GRIK3: variants seen among roughly 807,000 people sequenced by gnomAD.
GRIK3 encodes the protein glutamate ionotropic receptor kainate type subunit 3.
A neutral mutation model predicts 102.5 loss-of-function variants in GRIK3; 29 were observed. The observed-to-expected ratio is 0.28, with a 90% CI of 0.21 to 0.39. The LOEUF (loss-of-function observed/expected upper bound fraction) is 0.39, where lower values mean the gene tolerates loss of function less well. GRIK3 is among the 10% of genes least tolerant of loss of function. The probability of loss-of-function intolerance (pLI) is 1.00; values close to 1 mark genes in which losing one functional copy is unlikely to be tolerated. For missense variants in GRIK3, 908 were observed against 1,252.4 expected (o/e 0.73, Z 4.15); for synonymous variants, 511 against 504.9 (o/e 1.01, Z -0.16).
intron 1 of GRIK3, among the ~76,000 whole-genome samples, chr1:37,000,411 T>C (rs1642464590): frequency 6.6e-6 from 1 of 152,144 alleles, no homozygotes; most frequent in Admixed American, 6.5e-5. Context: ...ATGGGGTAAG[T>C]GCTATTAACC....
chr1:36,993,593 T>G (rs1642385112), intron 1 of GRIK3, among the ~76,000 whole-genome samples: 1 of 152,212 alleles, frequency 6.6e-6, no homozygotes. Context: ...ATATGCATCC[T>G]CACGGTGAAG....
intron 1 of GRIK3, among the ~76,000 whole-genome samples, chr1:36,914,225 T>A (rs1348937704): frequency 1.3e-5 from 2 of 152,110 alleles, no homozygotes; most frequent in African/African-American, 4.8e-5. Flanking sequence ...CTCCACTTAC[T>A]ATGCTGCCTG....
intron 1 of GRIK3, among the ~76,000 whole-genome samples, chr1:36,949,956 A>C (rs542329203): frequency 2.0e-5 from 3 of 152,252 alleles, no homozygotes; most frequent in Admixed American, 2.0e-4. Context: ...CAACCTTCCC[A>C]AAATCTCACA....
chr1:36,928,472 G>A (rs576813395), intron 1 of GRIK3, among the ~76,000 whole-genome samples: 51 of 152,334 alleles, frequency 3.3e-4, no homozygotes, highest in Admixed American at 6.5e-4. Flanking sequence ...GGGTGGGGGT[G>A]GAAATTATGA....
intron 1 of GRIK3, among the ~76,000 whole-genome samples, chr1:36,918,437 GACATT>G (rs1473833414): frequency 6.6e-6 from 1 of 152,180 alleles, no homozygotes; most frequent in African/African-American, 2.4e-5. Flanking sequence ...CTTTGCTCAT[GACATT>G]ACATTTATTA....
chr1:36,974,581 G>A (rs1642175402), intron 1 of GRIK3, among the ~76,000 whole-genome samples: 1 of 151,938 alleles, frequency 6.6e-6, no homozygotes, highest in African/African-American at 2.4e-5. Context: ...GGTGGATCAC[G>A]AGGTCAGGAG....
At chr1:37,010,262 T>A (rs949074740) in intron 1 of GRIK3, among the ~76,000 whole-genome samples, 2 of 152,228 alleles carry the variant, frequency 1.3e-5, no homozygotes, top group Non-Finnish European at 2.9e-5. Context: ...CTCCCAGAGT[T>A]GCCTGAGGCT....
At chr1:36,830,067 A>G (rs767748745) in intron 10 of GRIK3, among the ~76,000 whole-genome samples, 2 of 152,230 alleles carry the variant, frequency 1.3e-5, no homozygotes, top group Non-Finnish European at 2.9e-5. Context: ...AGTTCCCACC[A>G]GCTTCCTCAT....
In GRIK3 at chr1:36,821,722, G is replaced by A. The variant is rs1443075826; in HGVS notation, c.1755-1868C>T. Among the ~76,000 whole-genome samples, 4 of 152,232 alleles carry A rather than the reference G, an allele frequency of 2.6e-5. No homozygotes were observed. In the East Asian group the frequency reaches 5.8e-4, roughly 22 times the overall value. ...AACAGGGAGATGCCATGGGGCACAG[G>A]CTGCTGGAGGACCAGGGGCTGTGTG... is the stretch of plus-strand genomic sequence containing the variant. On this transcript the variant is annotated intron_variant, in intron 11 of 15. Coordinates refer to ENST00000373091, the MANE Select transcript of GRIK3 (RefSeq NM_000831.4).
Position 36,891,106 on chromosome 1 carries a change from A to G in GRIK3, c.116-10T>C. On this transcript the variant is annotated splice_polypyrimidine_tract_variant and intron_variant, in intron 1 of 15. Transcript: ENST00000373091. ...TACTCGAAGATTCCTCCTGTGAAAG[A>G]TGAGTAAAATTGTGTGTGGTTGGGA... The G allele has an allele frequency of 5.0e-6, 8 of 1,606,420 alleles. No homozygotes were observed. The highest frequency in any genetic ancestry group is 2.2e-5 in the East Asian group (1 of 44,846).
chr1:36,988,415 G>T (rs1272869419), intron 1 of GRIK3, among the ~76,000 whole-genome samples: 1 of 152,246 alleles, frequency 6.6e-6, no homozygotes, highest in Non-Finnish European at 1.5e-5. Flanking sequence ...CCATCTCTGG[G>T]GCAGCAGGAA....
At chr1:36,957,518 CATAAGCCT>C (rs1641932583) in intron 1 of GRIK3, among the ~76,000 whole-genome samples, 4 of 123,366 alleles carry the variant, frequency 3.2e-5, no homozygotes, top group African/African-American at 8.8e-5. Flanking sequence ...CTCTGTGCCC[CATAAGCCT>C]GTGTGCCCCG....
intron 1 of GRIK3, among the ~76,000 whole-genome samples, chr1:36,908,816 G>A (rs954654448): frequency 1.3e-5 from 2 of 150,858 alleles, no homozygotes; most frequent in Non-Finnish European, 2.9e-5. Context: ...TGTAGGGAGG[G>A]GTGTGTAAGA....
At chr1:36,995,116 C>T (rs545027529) in intron 1 of GRIK3, among the ~76,000 whole-genome samples, 1 of 152,288 alleles carries the variant, frequency 6.6e-6, no homozygotes, top group South Asian at 2.1e-4. Flanking sequence ...CCTACAGAGC[C>T]ATCTAGATCC....
chr1:37,033,003 A>C (rs78307293), intron 1 of GRIK3, among the ~76,000 whole-genome samples: 63 of 152,264 alleles, frequency 4.1e-4, no homozygotes, highest in African/African-American at 1.5e-3. Context: ...GCGCCGAGTG[A>C]ACCCAGGCGG....
At chr1:36,993,263 C>T (rs546972033) in intron 1 of GRIK3, among the ~76,000 whole-genome samples, 11 of 152,186 alleles carry the variant, frequency 7.2e-5, no homozygotes, top group African/African-American at 2.4e-4. Context: ...GTTGGATGTA[C>T]ATACTGTTTT....
chr1:36,906,093 G>A (rs1319328263), intron 1 of GRIK3, among the ~76,000 whole-genome samples: 1 of 152,190 alleles, frequency 6.6e-6, no homozygotes, highest in Non-Finnish European at 1.5e-5. Flanking sequence ...TCTGCCCTGT[G>A]CCACCCTGTC....
chr1:36,851,443 A>T (rs975057199), intron 8 of GRIK3, among the ~76,000 whole-genome samples: 4 of 152,256 alleles, frequency 2.6e-5, no homozygotes, highest in Non-Finnish European at 5.9e-5. Context: ...GGAAAGTGGT[A>T]GACGGCATCG....
intron 4 of GRIK3, among the ~76,000 whole-genome samples, chr1:36,871,668 C>A (rs981475741): frequency 3.9e-5 from 6 of 152,208 alleles, no homozygotes; most frequent in Admixed American, 3.9e-4. Flanking sequence ...CATTCTCCTC[C>A]CCCTCTGTCA....
Sources: allele counts gnomAD v4.1 joint callset (sites outside exome capture counted in the v4.1 genomes callset), GRCh38; gene constraint gnomAD v4.1.1; transcripts MANE v1.5; gene names NCBI Gene and HGNC (gene_info 2026-07-23, HGNC 2026-07-21).